Variants in MAST2 observed in about 807,000 individuals in gnomAD.
MAST2 encodes microtubule associated serine/threonine kinase 2, also known as microtubule-associated serine/threonine-protein kinase 2.
A neutral mutation model predicts 147.4 loss-of-function variants in MAST2; 70 were observed. That is an observed-to-expected ratio of 0.47 (90% CI 0.39 to 0.58). MAST2 has a LOEUF of 0.58. Ranked by LOEUF, MAST2 falls within the 20% of genes least tolerant of loss-of-function variation. The pLI is 0.00. For missense variants in MAST2, 2,080 were observed against 2,302.3 expected, an observed-to-expected ratio of 0.90 and a Z score of 1.98; for synonymous variants, 869 against 896.8, an observed-to-expected ratio of 0.97 and a Z score of 0.55.
At chr1:45,940,805 G>T (rs2148797158) in intron 4 of MAST2, among the ~76,000 whole-genome samples, 1 of 152,206 alleles carries the variant, frequency 6.6e-6, no homozygotes, top group East Asian at 1.9e-4. Context: ...TATTTTAGTA[G>T]AGATGGGGTT....
chr1:46,019,593 T>C lies in MAST2; in HGVS notation c.1189-3T>C. The C allele has an allele frequency of 6.2e-7, 1 of 1,613,320 alleles. No individual in the cohort carries two copies. The highest frequency in any genetic ancestry group is 8.5e-7 in the Non-Finnish European group (1 of 1,179,428). ...GATTAAGCAACGCTTCTTTTCTCTA[T>C]AGGCTCATGAGCGCTCAGAGAGCTC... On this transcript the variant is annotated splice_region_variant and splice_polypyrimidine_tract_variant and intron_variant, in intron 10 of 28. Transcript: ENST00000361297.
intron 5 of MAST2, among the ~76,000 whole-genome samples, chr1:45,966,241 G>T (rs1661178253): frequency 6.6e-6 from 1 of 152,090 alleles, no homozygotes; most frequent in African/African-American, 2.4e-5. Flanking sequence ...TTATACCACG[G>T]TTTATTTTTA....
At chr1:45,910,895 G>A (rs767652933) in intron 4 of MAST2, among the ~76,000 whole-genome samples, 1 of 152,224 alleles carries the variant, frequency 6.6e-6, no homozygotes, top group Non-Finnish European at 1.5e-5. Context: ...GAAGAAATAT[G>A]TGGACAAAGG....
intron 4 of MAST2, among the ~76,000 whole-genome samples, chr1:45,895,540 G>A (rs1246996320): frequency 6.6e-6 from 1 of 152,118 alleles, no homozygotes; most frequent in African/African-American, 2.4e-5. Flanking sequence ...TTTACCTGTG[G>A]GAACCAAGCA....
At chr1:45,884,335 G>T (rs1035211459) in intron 4 of MAST2, among the ~76,000 whole-genome samples, 2 of 152,046 alleles carry the variant, frequency 1.3e-5, no homozygotes, top group Non-Finnish European at 2.9e-5. Flanking sequence ...ATCACCTGAG[G>T]TCAGTAGTTC....
intron 3 of MAST2, among the ~76,000 whole-genome samples, chr1:45,848,733 G>A (rs1645523169): frequency 6.6e-6 from 1 of 152,196 alleles, no homozygotes; most frequent in Admixed American, 6.5e-5. Flanking sequence ...TATAGCCGGA[G>A]TAATCAGGCA....
In MAST2 at chr1:46,032,385, C is replaced by G; in HGVS notation, c.3395C>G (p.Thr1132Ser). ...RVYMGDSDVYTVHHMVWHVED... is the reference protein window; with the variant it reads ...RVYMGDSDVYSVHHMVWHVED... Reference sequence around the variant, plus strand: ...TACATGGGTGACTCCGATGTCTACACCGTGCACCATATGGTGTGGGTATGT... The same window carrying G: ...TACATGGGTGACTCCGATGTCTACAGCGTGCACCATATGGTGTGGGTATGT... The change falls in exon 25 of 29, where the codon ACC (threonine) becomes AGC (serine). Residue 1132 changes from threonine (T) to serine (S), a missense_variant. By Grantham distance (58) the Thr-to-Ser change is moderately conservative. Transcript: ENST00000361297. 4 of 1,614,206 alleles carry G rather than the reference C, an allele frequency of 2.5e-6. No homozygotes were observed. The highest frequency in any genetic ancestry group is 2.2e-5 in the South Asian group (2 of 91,082).
At chr1:45,932,082 G>A (rs140832298) in intron 4 of MAST2, among the ~76,000 whole-genome samples, 88 of 152,244 alleles carry the variant, frequency 5.8e-4, no homozygotes, top group African/African-American at 1.9e-3. Context: ...CTTTATTAAC[G>A]TGGTGTTTTG....
intron 4 of MAST2, chr1:45,913,966 A>G: frequency 4.2e-6 from 4 of 957,598 alleles, no homozygotes; most frequent in Non-Finnish European, 5.2e-6. Context: ...CATTTGGATG[A>G]AGACTGTTTT....
At chr1:45,922,551 G>A (rs1232202647) in intron 4 of MAST2, among the ~76,000 whole-genome samples, 1 of 152,246 alleles carries the variant, frequency 6.6e-6, no homozygotes, top group Non-Finnish European at 1.5e-5. Context: ...GCTGGGCTGT[G>A]ACAGCTCCCG....
At chr1:45,861,357 T>C (rs952527413) in intron 3 of MAST2, among the ~76,000 whole-genome samples, 1 of 152,172 alleles carries the variant, frequency 6.6e-6, no homozygotes, top group Non-Finnish European at 1.5e-5. Context: ...TTAACGCTGC[T>C]TACCAATTCT....
chr1:45,871,861 A>G (rs1378870370), intron 3 of MAST2, among the ~76,000 whole-genome samples: 8 of 152,222 alleles, frequency 5.3e-5, no homozygotes, highest in Non-Finnish European at 1.0e-4. Context: ...CAAGAGACAT[A>G]TAATATTTTA....
At chr1:45,833,063 G>A (rs1570285084) in intron 3 of MAST2, among the ~76,000 whole-genome samples, 1 of 152,030 alleles carries the variant, frequency 6.6e-6, no homozygotes, top group Admixed American at 6.6e-5. Flanking sequence ...CTTTTGTGGC[G>A]GCTGCTTTCA....
intron 4 of MAST2, among the ~76,000 whole-genome samples, chr1:45,937,234 CT>C (rs35306253): frequency 0.8 from 120,091 of 150,580 alleles, 48,282 homozygotes; most frequent in East Asian, 0.98. Context: ...CCATGGGCAG[CT>C]TTTTTTTTTA....
intron 5 of MAST2, among the ~76,000 whole-genome samples, chr1:45,979,064 G>C (rs1000835064): frequency 1.3e-5 from 2 of 152,154 alleles, no homozygotes; most frequent in African/African-American, 4.8e-5. Context: ...AGTGTTTAGA[G>C]TTGCATATTT....
In MAST2 at chr1:46,006,334, A is replaced by C. The variant is rs368837813; in HGVS notation, c.841A>C (p.Ser281Arg). ...HFLTKHFSTE[S>R]VPDEEGRQSP... ...TTTGACGAAGCATTTCAGCACAGAGAGCGTACCAGATGAGGAAGGACGGCA... is the reference window on the plus strand; with the variant it reads ...TTTGACGAAGCATTTCAGCACAGAGCGCGTACCAGATGAGGAAGGACGGCA... Residue 281 changes from serine to arginine, a missense_variant, in exon 8 of 29, where the codon AGC becomes CGC. Physicochemically the swap from Ser to Arg is moderately radical, Grantham distance 110. Coordinates refer to ENST00000361297, the MANE Select transcript of MAST2 (RefSeq NM_015112.3). The C allele has an allele frequency of 6.2e-7, 1 of 1,613,888 alleles. No individual in the cohort carries two copies. Among genetic ancestry groups the C allele is most frequent in the Admixed American group, 1.7e-5 (1 of 59,988 alleles).
intron 3 of MAST2, among the ~76,000 whole-genome samples, chr1:45,882,012 TAAAAAA>T (rs71062722): frequency 1.0e-4 from 4 of 39,832 alleles, no homozygotes; most frequent in East Asian, 1.3e-3. Flanking sequence ...CCGTCTCTAC[TAAAAAA>T]AAAAAAAAAA....
chr1:46,003,597 T>C (rs905587509), intron 7 of MAST2, among the ~76,000 whole-genome samples: 5 of 151,994 alleles, frequency 3.3e-5, no homozygotes, highest in African/African-American at 9.7e-5. Context: ...TTCTCCTAAG[T>C]AGACTGGGAC....
At chr1:46,010,706 T>C (rs768407247) in intron 9 of MAST2, 24 bp from the exon 10 acceptor site, 7 of 1,608,338 alleles carry the variant, frequency 4.4e-6, no homozygotes, top group Non-Finnish European at 5.1e-6. Context: ...AAGGGAAGTG[T>C]TTCTTTCTTG....
Sources: gnomAD v4.1 joint callset for allele counts (sites outside exome capture counted in the v4.1 genomes callset) on GRCh38, gnomAD v4.1.1 for gene constraint, MANE v1.5 for transcripts, NCBI Gene and HGNC (gene_info 2026-07-23, HGNC 2026-07-21) for gene names.